Variants in NID1 observed in about 807,000 individuals in gnomAD.
NID1 encodes the protein nidogen 1.
Under a neutral mutation model 130.6 loss-of-function variants are expected in NID1, and 76 were observed. That is an observed-to-expected ratio of 0.58 (90% CI 0.48 to 0.70). The LOEUF (loss-of-function observed/expected upper bound fraction) is 0.70. Among genes scored for constraint, NID1 ranks in the 30% least tolerant of loss-of-function variants. The pLI is 0.00. For missense variants in NID1, 1,517 were observed against 1,664.8 expected (o/e 0.91, Z 1.54); for synonymous variants, 665 against 675.1 (o/e 0.98, Z 0.23).
intron 4 of NID1, among the ~76,000 whole-genome samples, chr1:236,039,058 A>T (rs935958655): frequency 4.4e-5 from 6 of 136,758 alleles, no homozygotes; most frequent in African/African-American, 8.2e-5. Context: ...TTATATATTT[A>T]TATATACATT....
intron 15 of NID1, 141 bp downstream of exon 15, chr1:235,985,238 C>T: frequency 4.9e-6 from 4 of 808,370 alleles, no homozygotes; most frequent in Non-Finnish European, 7.9e-6. Flanking sequence ...AAACTTTACA[C>T]ACTTTATCGT....
At chr1:236,029,131 C>T (rs894695298) in intron 7 of NID1, among the ~76,000 whole-genome samples, 1 of 150,956 alleles carries the variant, frequency 6.6e-6, no homozygotes, top group Non-Finnish European at 1.5e-5. Flanking sequence ...GAGCTGAGAT[C>T]GCACCACTGC....
At position 235,980,594 on chromosome 1, in the gene NID1, T is replaced by C. The variant is rs376576457; in HGVS notation, c.3287A>G (p.Asp1096Gly). 3 of 1,614,118 alleles carry C rather than the reference T, an allele frequency of 1.9e-6. No homozygotes were observed. The highest frequency in any genetic ancestry group is 2.5e-6 in the Non-Finnish European group (3 of 1,180,010). Reference protein sequence around the residue: ...DNPKIETSYMDGTNRRILVQD... With the variant: ...DNPKIETSYMGGTNRRILVQD... ...CACAAGGATCCTCCGGTTCGTGCCG[T>C]CCATGTAGGAAGTTTCAATCTTGGG... The change falls in exon 17 of 20, where the codon GAC becomes GGC. Residue 1096 changes from aspartate (D) to glycine (G), a missense_variant. Transcript: ENST00000264187.
In NID1 at chr1:235,977,309, G is replaced by T. The variant is rs961324570; in HGVS notation, c.*558C>A. 1 of 153,158 alleles carries T rather than the reference G, an allele frequency of 6.5e-6. No individual in the cohort carries two copies. The highest frequency in any genetic ancestry group is 2.4e-5 in the African/African-American group (1 of 41,442). The allele number at this position is 153,158 out of a possible 1,614,324, so 9.5% of individuals were successfully genotyped here. A position where few individuals can be genotyped will look rare whatever the true frequency, so the allele number is the denominator to read the frequency against. On this transcript the variant is annotated 3_prime_UTR_variant, in exon 20 of 20. Transcript: ENST00000264187. ...ATATTATAATGGGGGTCTTAGACAAGATGATGATGGTGAGGAACTGAGGAG... is the reference window on the plus strand; with the variant it reads ...ATATTATAATGGGGGTCTTAGACAATATGATGATGGTGAGGAACTGAGGAG...
chr1:236,019,266 A>C (rs947112120), intron 9 of NID1, among the ~76,000 whole-genome samples: 5 of 152,230 alleles, frequency 3.3e-5, no homozygotes, highest in Admixed American at 3.3e-4. Flanking sequence ...GGGAGAAAAA[A>C]GGGGCTTCCT....
intron 9 of NID1, among the ~76,000 whole-genome samples, chr1:236,019,160 C>CT (rs1265131928): frequency 1.3e-5 from 2 of 152,262 alleles, no homozygotes; most frequent in Admixed American, 1.3e-4. Flanking sequence ...CCAAAGCAGG[C>CT]TGTTATGCAA....
At chr1:236,002,666 C>A (rs1658112138) in intron 12 of NID1, among the ~76,000 whole-genome samples, 1 of 152,134 alleles carries the variant, frequency 6.6e-6, no homozygotes, top group Non-Finnish European at 1.5e-5. Context: ...AAATTCCAAG[C>A]ATTGGTGAGG....
intron 19 of NID1, among the ~76,000 whole-genome samples, chr1:235,978,462 T>C (rs1657338086): frequency 6.6e-6 from 1 of 152,196 alleles, no homozygotes; most frequent in South Asian, 2.1e-4. Flanking sequence ...CTGTGAGCTG[T>C]GTGACTTGGA....
At chr1:236,010,208 T>C (rs1035865258) in intron 12 of NID1, among the ~76,000 whole-genome samples, 2 of 152,120 alleles carry the variant, frequency 1.3e-5, no homozygotes, top group African/African-American at 4.8e-5. Context: ...GTTCCCATAA[T>C]TTCAGGAACA....
Position 236,032,396 on chromosome 1 carries a change from A to C in NID1, c.1537+5T>G. 1 of 1,613,258 alleles carries C rather than the reference A, an allele frequency of 6.2e-7. No individual in the cohort carries two copies. The highest frequency in any genetic ancestry group is 8.5e-7 in the Non-Finnish European group (1 of 1,179,568). The stretch of plus-strand genomic sequence containing the variant: ...CCACTAATTTTAATGTCGGATATAA[A>C]TTACCGGTGATGCTGAACCCATTCT... On this transcript the variant is annotated splice_donor_5th_base_variant and intron_variant, in intron 6 of 19. Transcript: ENST00000264187.
At chr1:235,980,747 G>A (rs1452494337) in intron 16 of NID1, 94 bp from the exon 17 acceptor site, 5 of 1,285,188 alleles carry the variant, frequency 3.9e-6, no homozygotes, top group Non-Finnish European at 5.4e-6. Flanking sequence ...TTACAATGAA[G>A]TGATTGGCAG....
intron 4 of NID1, among the ~76,000 whole-genome samples, chr1:236,039,705 T>G (rs1230888414): frequency 1.3e-5 from 2 of 151,962 alleles, no homozygotes; most frequent in Non-Finnish European, 2.9e-5. Context: ...CTGTTACGAG[T>G]GAAGAGAAAA....
intron 10 of NID1, among the ~76,000 whole-genome samples, chr1:236,014,459 A>C (rs546218947): frequency 6.6e-6 from 1 of 152,250 alleles, no homozygotes; most frequent in South Asian, 2.1e-4. Context: ...GGAACCCCAG[A>C]GTAACTGAAC....
chr1:236,000,806 G>T (rs1426472085), intron 12 of NID1, among the ~76,000 whole-genome samples: 1 of 152,200 alleles, frequency 6.6e-6, no homozygotes, highest in African/African-American at 2.4e-5. Context: ...TCAAATAAAT[G>T]ACAATTGTAG....
chr1:235,981,306 T>C (rs577307527), intron 16 of NID1, among the ~76,000 whole-genome samples: 28 of 152,246 alleles, frequency 1.8e-4, no homozygotes, highest in Admixed American at 7.8e-4. Context: ...TCTTCTGGAG[T>C]TGATATAACC....
chr1:236,023,038 G>A (rs1328876288), intron 9 of NID1, among the ~76,000 whole-genome samples: 7 of 141,838 alleles, frequency 4.9e-5, no homozygotes, highest in South Asian at 4.6e-4. Flanking sequence ...CAGCCTGAGC[G>A]ACACAGCAAG....
chr1:235,988,308 T>C lies in NID1; in HGVS notation c.2928+2578A>G, dbSNP rs554360305. ...AAAAGATGTTCAGTGTCATAAATTA[T>C]TAGGAAAATGCAAATCAAAACCACT... On this transcript the variant is annotated intron_variant, in intron 14 of 19. Transcript: ENST00000264187. Among the ~76,000 whole-genome samples the C allele has an allele frequency of 2.6e-5, 4 of 152,304 alleles. No individual in the cohort carries two copies. The East Asian group carries it at 7.7e-4, about 29-fold the overall frequency.
At position 235,976,167 on chromosome 1, in the gene NID1, A is replaced by G. The variant is rs764115150; in HGVS notation, c.*1700T>C. On this transcript the variant is annotated 3_prime_UTR_variant, in exon 20 of 20. Coordinates refer to ENST00000264187, the MANE Select transcript of NID1 (RefSeq NM_002508.3). ...TTCTTGGGGCTATATTTGCCTCTCA[A>G]GACAAACTCCAATTATTCAAGGAAG... 4 of 152,206 alleles carry G rather than the reference A, an allele frequency of 2.6e-5. No individual in the cohort carries two copies. The highest frequency in any genetic ancestry group is 5.9e-5 in the Non-Finnish European group (4 of 68,046). 9.4% of individuals were successfully genotyped at this position (152,206 alleles called of 1,614,324 possible). A position where few individuals can be genotyped will look rare whatever the true frequency, so the allele number is the denominator to read the frequency against.
At chr1:235,999,266 T>A (rs531101028) in intron 12 of NID1, among the ~76,000 whole-genome samples, 147 of 152,318 alleles carry the variant, frequency 9.7e-4, no homozygotes, top group Middle Eastern at 3.4e-3. Flanking sequence ...GCCGACAGAG[T>A]TGTGTTAACA....
Sources: gnomAD v4.1 joint callset for allele counts (sites outside exome capture counted in the v4.1 genomes callset) on GRCh38, gnomAD v4.1.1 for gene constraint, MANE v1.5 for transcripts, NCBI Gene and HGNC (gene_info 2026-07-23, HGNC 2026-07-21) for gene names.